COL4A4: variants seen among roughly 807,000 people sequenced by gnomAD.
COL4A4 encodes collagen type IV alpha 4 chain.
In COL4A4, 105 loss-of-function variants were observed where a neutral mutation model predicts 192.9. That is an observed-to-expected ratio of 0.54 (90% CI 0.46 to 0.64). The LOEUF is 0.64. Ranked by LOEUF, COL4A4 falls within the 30% of genes least tolerant of loss-of-function variation. COL4A4 has a pLI of 0.00. For missense variants in COL4A4, 1,967 were observed against 2,169.3 expected, an observed-to-expected ratio of 0.91 and a Z score of 1.85; for synonymous variants, 762 against 769.9, an observed-to-expected ratio of 0.99 and a Z score of 0.17.
At chr2:227,052,633 C>T (rs1162688626) in intron 31 of COL4A4, among the ~76,000 whole-genome samples, 1 of 152,124 alleles carries the variant, frequency 6.6e-6, no homozygotes, top group Non-Finnish European at 1.5e-5. Context: ...GTCTGGTGTG[C>T]CAGGAGTGCT....
rs557637614 is a variant in COL4A4 at position 227,140,695 on chromosome 2, C to A, written c.115-457G>T. Among the ~76,000 whole-genome samples the A allele has an allele frequency of 2.6e-5, 4 of 152,138 alleles. No individual in the cohort carries two copies. The East Asian group carries it at 7.7e-4, about 29-fold the overall frequency. The stretch of plus-strand genomic sequence containing the variant: ...GTATCTCCTCCCTCATCAAACTGTC[C>A]TTCCTAGGACAATTCTTCTGTCCCA... On this transcript the variant is annotated intron_variant, in intron 3 of 47. Transcript: ENST00000396625.
chr2:227,044,917 C>T (rs965220667), intron 35 of COL4A4, among the ~76,000 whole-genome samples: 4 of 152,088 alleles, frequency 2.6e-5, no homozygotes, highest in Non-Finnish European at 5.9e-5. Context: ...GGGAAAGGGG[C>T]CAATTTAAAT....
chr2:227,011,304 C>CAGAG (rs1963643275), intron 45 of COL4A4, among the ~76,000 whole-genome samples: 1 of 152,176 alleles, frequency 6.6e-6, no homozygotes, highest in Non-Finnish European at 1.5e-5. Flanking sequence ...CACTGTCAAC[C>CAGAG]AGAGACGACA....
intron 4 of COL4A4, among the ~76,000 whole-genome samples, chr2:227,129,305 AC>A (rs1282466421): frequency 5.3e-5 from 8 of 151,442 alleles, no homozygotes; most frequent in Admixed American, 2.0e-4. Context: ...TACCACATCT[AC>A]CCTAAAATAA....
intron 46 of COL4A4, 132 bp from the exon 47 acceptor site, chr2:227,008,436 G>A: frequency 9.5e-7 from 1 of 1,050,394 alleles, no homozygotes; most frequent in Non-Finnish European, 1.4e-6. Context: ...GCCTGCTTCT[G>A]TGGTGAGGAA....
chr2:226,990,164 T>G, the COL4A4 span, among the ~76,000 whole-genome samples: 1 of 152,214 alleles, frequency 6.6e-6, no homozygotes, highest in African/African-American at 2.4e-5. Flanking sequence ...ATCTCCCCTT[T>G]TCATGTCTTG....
the COL4A4 span, among the ~76,000 whole-genome samples, chr2:226,972,324 A>G: frequency 1.3e-5 from 2 of 152,074 alleles, no homozygotes; most frequent in South Asian, 2.1e-4. Context: ...TATCCAGTCA[A>G]TCATTGATGG....
chr2:227,043,022 AACACTCTGAG>A (rs1971775758), intron 36 of COL4A4, 45 bp downstream of exon 36: 1 of 1,304,098 alleles, frequency 7.7e-7, no homozygotes, highest in East Asian at 2.4e-5. Context: ...TGGTTTCTGA[AACACTCTGAG>A]ACACAAGAGT....
chr2:227,041,779 G>GGAAAGA lies in COL4A4; in HGVS notation c.3505+368_3505+369insTCTTTC, dbSNP rs1559476028. Among the ~76,000 whole-genome samples the GGAAAGA allele has an allele frequency of 5.9e-3, 371 of 62,576 alleles. 30 individuals are homozygous for GGAAAGA. The highest frequency in any genetic ancestry group is 0.049 in the East Asian group (87 of 1,776). 41.1% of individuals were successfully genotyped at this position (62,576 alleles called of 152,430 possible). A position where few individuals can be genotyped will look rare whatever the true frequency, so the allele number is the denominator to read the frequency against. ...GGAAGGAAGGAAGGAAGGAAGGAAG[G>GGAAAGA]AAGGAAGGGAAAGAAAGAAAGAAAG... On this transcript the variant is annotated intron_variant, in intron 37 of 47. Coordinates refer to ENST00000396625, the MANE Select transcript of COL4A4 (RefSeq NM_000092.5).
intron 22 of COL4A4, among the ~76,000 whole-genome samples, chr2:227,085,032 G>A: frequency 6.6e-6 from 1 of 152,034 alleles, no homozygotes; most frequent in Non-Finnish European, 1.5e-5. Context: ...TCGAGAGGCT[G>A]AGGCAGCAGA....
At chr2:227,152,320 A>AG (rs2064004933) in intron 1 of COL4A4, among the ~76,000 whole-genome samples, 2 of 152,272 alleles carry the variant, frequency 1.3e-5, no homozygotes, top group Admixed American at 6.5e-5. Flanking sequence ...ATTCTACAAA[A>AG]GGATATACAT....
intron 4 of COL4A4, among the ~76,000 whole-genome samples, chr2:227,132,149 T>G (rs73993638): frequency 1.3e-5 from 2 of 152,176 alleles, no homozygotes; most frequent in African/African-American, 4.8e-5. Flanking sequence ...CCCTGTGCCC[T>G]GACCCCGATA....
intron 35 of COL4A4, among the ~76,000 whole-genome samples, chr2:227,046,034 A>ACATATATT (rs1972738464): frequency 7.2e-6 from 1 of 139,586 alleles, no homozygotes; most frequent in African/African-American, 2.7e-5. Context: ...ATATATGTAT[A>ACATATATT]CATATATACA....
intron 7 of COL4A4, among the ~76,000 whole-genome samples, chr2:227,117,017 T>G (rs1279484264): frequency 1.3e-5 from 2 of 152,240 alleles, no homozygotes; most frequent in Non-Finnish European, 2.9e-5. Context: ...TATTTAGTTT[T>G]TTCATTTCCT....
rs553291625 is a variant in COL4A4, at chr2:227,085,165, A to C, written c.1624-2978T>G. 2.0e-5 allele frequency among the ~76,000 whole-genome samples: 3 copies of C among 146,380 alleles called. No individual in the cohort carries two copies. The East Asian group carries it at 6.1e-4, about 30-fold the overall frequency. ...ACAAAAGCAAAACGAAACAAAAAAA[A>C]CACTTCCTCTCTGCCAGGCATATCC... is the stretch of plus-strand genomic sequence containing the variant. On this transcript the variant is annotated intron_variant, in intron 22 of 47. Coordinates refer to ENST00000396625, the MANE Select transcript of COL4A4 (RefSeq NM_000092.5).
intron 1 of COL4A4, among the ~76,000 whole-genome samples, chr2:227,160,080 A>G (rs1002315844): frequency 2.6e-5 from 4 of 152,234 alleles, no homozygotes; most frequent in African/African-American, 4.8e-5. Context: ...CAGAGGCAAT[A>G]GTAAATACGA....
chr2:227,047,604 T>C, intron 34 of COL4A4, 55 bp from the exon 35 acceptor site: 1 of 1,213,182 alleles, frequency 8.2e-7, no homozygotes, highest in African/African-American at 1.5e-5. Context: ...TTTGGTCTCA[T>C]ACAGGTGACA....
chr2:226,978,362 A>C, the COL4A4 span, among the ~76,000 whole-genome samples: 7 of 152,336 alleles, frequency 4.6e-5, no homozygotes, highest in South Asian at 1.4e-3. Flanking sequence ...GAGTAGAGAA[A>C]GGTTGGATGG....
intron 44 of COL4A4, 47 bp from the exon 45 acceptor site, chr2:227,012,344 T>C: frequency 6.9e-7 from 1 of 1,451,782 alleles, no homozygotes; most frequent in Non-Finnish European, 9.7e-7. Context: ...CCATGACACC[T>C]GCTAGCATTT....
Sources: gnomAD v4.1 joint callset for allele counts (sites outside exome capture counted in the v4.1 genomes callset) on GRCh38, gnomAD v4.1.1 for gene constraint, MANE v1.5 for transcripts, NCBI Gene and HGNC (gene_info 2026-07-23, HGNC 2026-07-21) for gene names.